Variants in TMEM132D observed in about 807,000 individuals in gnomAD.
TMEM132D encodes the protein mature OL transmembrane protein.
TMEM132D carries 21 observed loss-of-function variants against 62.3 expected under a neutral mutation model. The ratio of observed to expected loss-of-function variants is 0.34; its 90% CI spans 0.24 to 0.49. TMEM132D has a LOEUF of 0.49. Ranked by LOEUF, TMEM132D falls within the 20% of genes least tolerant of loss-of-function variation. TMEM132D has a pLI of 0.99. For synonymous variants in TMEM132D, 621 were observed against 575.6 expected (o/e 1.08, Z -1.13); for missense variants, 1,346 against 1,402.8 (o/e 0.96, Z 0.65).
rs1459181834 is a variant in TMEM132D, at chr12:129,699,957, T to C, written c.821A>G (p.Gln274Arg). The C allele has an allele frequency of 7.4e-6, 12 of 1,614,006 alleles. No homozygotes were observed. The African/African-American group carries it at 9.3e-5, about 13-fold the overall frequency. Residue 274 changes from glutamine (Q) to arginine (R), a missense_variant, in exon 2 of 9, where the codon CAG (glutamine) becomes CGG (arginine). Physicochemically the swap from Gln to Arg is conservative, Grantham distance 43. Coordinates refer to ENST00000422113, the MANE Select transcript of TMEM132D (RefSeq NM_133448.3). ...LQRIGSIFLYQTHRKPSLREL... is the reference protein window; with the variant it reads ...LQRIGSIFLYRTHRKPSLREL... ...TCTCAGGGAGGGTTTCCTGTGTGTCTGATAAAGGAAGATGCTCCCGATCCT... is the reference window on the plus strand; with the variant it reads ...TCTCAGGGAGGGTTTCCTGTGTGTCCGATAAAGGAAGATGCTCCCGATCCT...
chr12:129,373,124 T>C (rs922780818), intron 3 of TMEM132D, among the ~76,000 whole-genome samples: 4 of 152,152 alleles, frequency 2.6e-5, no homozygotes, highest in African/African-American at 9.7e-5. Flanking sequence ...CCTGTGCAGG[T>C]GTGTGTACTT....
intron 3 of TMEM132D, among the ~76,000 whole-genome samples, chr12:129,392,036 C>T (rs535948978): frequency 2.6e-5 from 4 of 151,848 alleles, no homozygotes; most frequent in African/African-American, 4.8e-5. Context: ...GGATTACAGG[C>T]GTGAGCCACC....
At chr12:129,464,744 C>T (rs1484433451) in intron 3 of TMEM132D, among the ~76,000 whole-genome samples, 3 of 152,092 alleles carry the variant, frequency 2.0e-5, no homozygotes, top group Non-Finnish European at 4.4e-5. Context: ...TTCCTCATTG[C>T]TTGTTTTTCT....
chr12:129,261,805 A>T (rs1483096806), intron 4 of TMEM132D, among the ~76,000 whole-genome samples: 2 of 152,070 alleles, frequency 1.3e-5, no homozygotes, highest in African/African-American at 4.8e-5. Flanking sequence ...TGCCAGTATG[A>T]CCTCATTTAA....
chr12:129,108,671 C>T (rs1306909500), intron 5 of TMEM132D, among the ~76,000 whole-genome samples: 1 of 152,210 alleles, frequency 6.6e-6, no homozygotes, highest in Non-Finnish European at 1.5e-5. Flanking sequence ...TAGACACACT[C>T]AGATGCATGC....
At chr12:129,727,936 C>T (rs987924849) in intron 1 of TMEM132D, among the ~76,000 whole-genome samples, 51 of 152,326 alleles carry the variant, frequency 3.3e-4, no homozygotes, top group African/African-American at 1.2e-3. Context: ...TCTCCCTACC[C>T]TCCCACTACC....
chr12:129,566,990 T>C (rs1427346070), intron 2 of TMEM132D, among the ~76,000 whole-genome samples: 1 of 152,232 alleles, frequency 6.6e-6, no homozygotes, highest in Non-Finnish European at 1.5e-5. Context: ...AATGTACATC[T>C]TACGTGTATT....
intron 2 of TMEM132D, among the ~76,000 whole-genome samples, chr12:129,669,808 T>C (rs1203993391): frequency 6.6e-6 from 1 of 152,210 alleles, no homozygotes; most frequent in Non-Finnish European, 1.5e-5. Flanking sequence ...TATTTACTCA[T>C]TATTTACTAC....
intron 5 of TMEM132D, among the ~76,000 whole-genome samples, chr12:129,190,090 C>G: frequency 9.1e-6 from 1 of 110,492 alleles, no homozygotes; most frequent in Non-Finnish European, 2.0e-5. Flanking sequence ...GGAAGGGAGT[C>G]TCAGGCTTGC....
At chr12:129,147,142 C>A (rs1876922049) in intron 5 of TMEM132D, among the ~76,000 whole-genome samples, 1 of 151,584 alleles carries the variant, frequency 6.6e-6, no homozygotes. Flanking sequence ...TAAAATTATT[C>A]TCTCTCTCTG....
intron 5 of TMEM132D, among the ~76,000 whole-genome samples, chr12:129,194,662 CT>C (rs1464351992): frequency 6.6e-6 from 1 of 152,170 alleles, no homozygotes; most frequent in Non-Finnish European, 1.5e-5. Flanking sequence ...CTTGAAACTT[CT>C]GCTTATTTTT....
At chr12:129,457,960 T>G (rs1240403709) in intron 3 of TMEM132D, among the ~76,000 whole-genome samples, 1 of 152,198 alleles carries the variant, frequency 6.6e-6, no homozygotes, top group Admixed American at 6.5e-5. Flanking sequence ...TCCTCCCTGG[T>G]GCATTGCCTG....
At chr12:129,845,399 T>G (rs1287897331) in intron 1 of TMEM132D, among the ~76,000 whole-genome samples, 1 of 152,194 alleles carries the variant, frequency 6.6e-6, no homozygotes, top group Non-Finnish European at 1.5e-5. Flanking sequence ...TGTTTTACAT[T>G]AGTCAGAAAT....
At chr12:129,606,811 A>G (rs1374835709) in intron 2 of TMEM132D, among the ~76,000 whole-genome samples, 1 of 152,192 alleles carries the variant, frequency 6.6e-6, no homozygotes, top group Non-Finnish European at 1.5e-5. Flanking sequence ...ATCTGAGTAT[A>G]TTATCTGATT....
rs1277152813 is a variant in TMEM132D, at chr12:129,699,916, T to G, written c.862A>C (p.Asn288His). The change falls in exon 2 of 9, where the codon AAC becomes CAC. Residue 288 changes from asparagine to histidine, a missense_variant. Coordinates refer to ENST00000422113, the MANE Select transcript of TMEM132D (RefSeq NM_133448.3). ...KPSLRELRLDNSVAIHYIPKT... is the reference protein window; with the variant it reads ...KPSLRELRLDHSVAIHYIPKT... The stretch of plus-strand genomic sequence containing the variant: ...GGTATATAGTGGATGGCCACGCTGT[T>G]GTCCAGACGCAGTTCTCTCAGGGAG... 1.2e-6 allele frequency: 2 copies of G among 1,614,056 alleles called. No homozygotes were observed. The highest frequency in any genetic ancestry group is 2.7e-5 in the African/African-American group (2 of 74,926).
intron 1 of TMEM132D, among the ~76,000 whole-genome samples, chr12:129,814,776 C>G (rs547071426): frequency 6.6e-6 from 1 of 152,254 alleles, no homozygotes; most frequent in Admixed American, 6.5e-5. Context: ...TTTAGGTCCT[C>G]TAACCCACTG....
chr12:129,103,483 CA>C (rs35026163), intron 5 of TMEM132D, among the ~76,000 whole-genome samples: 7,522 of 152,286 alleles, frequency 0.049, 269 homozygotes, highest in Non-Finnish European at 0.073. Context: ...CCCATCCAGA[CA>C]CACAGGGCAT....
intron 5 of TMEM132D, among the ~76,000 whole-genome samples, chr12:129,170,805 G>GT (rs1052717503): frequency 1.8e-4 from 10 of 54,392 alleles, no homozygotes; most frequent in Middle Eastern, 9.1e-3. Flanking sequence ...GAGACTCCAA[G>GT]TAAAAAAAAA....
At chr12:129,243,029 CA>C (rs1879978287) in intron 4 of TMEM132D, among the ~76,000 whole-genome samples, 1 of 152,168 alleles carries the variant, frequency 6.6e-6, no homozygotes, top group Non-Finnish European at 1.5e-5. Context: ...ATTTTTGCTG[CA>C]AAGTCTAGAT....
Sources: gnomAD v4.1 joint callset for allele counts (sites outside exome capture counted in the v4.1 genomes callset) on GRCh38, gnomAD v4.1.1 for gene constraint, MANE v1.5 for transcripts, NCBI Gene and HGNC (gene_info 2026-07-23, HGNC 2026-07-21) for gene names.